Variants in ZMYND11 observed in about 807,000 individuals in gnomAD.
ZMYND11 encodes zinc finger MYND domain-containing protein 11.
In ZMYND11, 9 loss-of-function variants were observed where a neutral mutation model predicts 84.9. The ratio of observed to expected loss-of-function variants is 0.11; its 90% CI spans 0.06 to 0.18. ZMYND11 has a LOEUF of 0.18. ZMYND11 is among the 10% of genes least tolerant of loss of function. The pLI is 1.00. For missense variants in ZMYND11, 409 were observed against 761.0 expected (o/e 0.54, Z 5.44); for synonymous variants, 250 against 244.1 (o/e 1.02, Z -0.23).
chr10:165,229 A>C (rs1843718831), intron 1 of ZMYND11, among the ~76,000 whole-genome samples: 1 of 152,080 alleles, frequency 6.6e-6, no homozygotes, highest in Admixed American at 6.6e-5. Flanking sequence ...GGATATTTTC[A>C]GTTCTTTCTG....
At chr10:223,695 A>T (rs1947564349) in intron 4 of ZMYND11, among the ~76,000 whole-genome samples, 1 of 152,196 alleles carries the variant, frequency 6.6e-6, no homozygotes, top group South Asian at 2.1e-4. Flanking sequence ...TTCAAGAAAA[A>T]GATAAGTACT....
chr10:197,232 A>G (rs1942031012), intron 2 of ZMYND11, among the ~76,000 whole-genome samples: 1 of 150,824 alleles, frequency 6.6e-6, no homozygotes, highest in Non-Finnish European at 1.5e-5. Context: ...ATGTATGTGT[A>G]TCAATACATA....
chr10:197,087 C>T (rs899623339), intron 2 of ZMYND11, among the ~76,000 whole-genome samples: 7 of 147,702 alleles, frequency 4.7e-5, no homozygotes, highest in Non-Finnish European at 7.4e-5. Context: ...TCAATACATA[C>T]GCATGGAAGG....
intron 2 of ZMYND11, among the ~76,000 whole-genome samples, chr10:182,043 C>T (rs1401681455): frequency 6.6e-6 from 1 of 152,094 alleles, no homozygotes; most frequent in Non-Finnish European, 1.5e-5. Flanking sequence ...AAATTAAAAT[C>T]ATGTAAACAT....
At chr10:230,996 C>T (rs941274642) in intron 4 of ZMYND11, among the ~76,000 whole-genome samples, 4 of 152,118 alleles carry the variant, frequency 2.6e-5, no homozygotes, top group African/African-American at 9.7e-5. Flanking sequence ...ATGACTTTTA[C>T]GTTTTCAGAT....
intron 1 of ZMYND11, among the ~76,000 whole-genome samples, chr10:176,267 C>T: frequency 6.6e-6 from 1 of 151,872 alleles, no homozygotes; most frequent in East Asian, 1.9e-4. Flanking sequence ...GAAGTTTTTG[C>T]TACTTTTTAT....
chr10:238,567 A>G (rs928770965), intron 6 of ZMYND11, among the ~76,000 whole-genome samples: 9 of 152,114 alleles, frequency 5.9e-5, no homozygotes, highest in Non-Finnish European at 1.2e-4. Flanking sequence ...CGTTTTAGCC[A>G]GGATGGTCTC....
chr10:230,907 G>T (rs980034721), intron 4 of ZMYND11, among the ~76,000 whole-genome samples: 1 of 152,134 alleles, frequency 6.6e-6, no homozygotes, highest in African/African-American at 2.4e-5. Context: ...CGCTGAAATT[G>T]ACATTATGGA....
intron 1 of ZMYND11, among the ~76,000 whole-genome samples, chr10:150,260 T>A (rs1839999665): frequency 6.6e-6 from 1 of 152,210 alleles, no homozygotes; most frequent in African/African-American, 2.4e-5. Context: ...TTTTGGTTGG[T>A]AAGCTATTAA....
At chr10:216,390 TAATC>T (rs1292132915) in intron 3 of ZMYND11, among the ~76,000 whole-genome samples, 4 of 152,346 alleles carry the variant, frequency 2.6e-5, no homozygotes, top group Admixed American at 1.3e-4. Context: ...TGTCATAAGT[TAATC>T]AATCGTATGT....
intron 2 of ZMYND11, among the ~76,000 whole-genome samples, chr10:191,862 A>G (rs1940520146): frequency 6.6e-6 from 1 of 152,050 alleles, no homozygotes. Context: ...ACCGTAAGTT[A>G]TTATCTGTAG....
chr10:222,126 G>A (rs1450645211), intron 4 of ZMYND11, among the ~76,000 whole-genome samples: 1 of 152,128 alleles, frequency 6.6e-6, no homozygotes, highest in Non-Finnish European at 1.5e-5. Context: ...TTGGAACCAT[G>A]CACATTGTTG....
At chr10:225,536 C>T (rs1248112399) in intron 4 of ZMYND11, among the ~76,000 whole-genome samples, 1 of 152,094 alleles carries the variant, frequency 6.6e-6, no homozygotes, top group Non-Finnish European at 1.5e-5. Flanking sequence ...TTTCTGGAGA[C>T]AGGGTCTCGC....
chr10:240,853 A>G lies in ZMYND11; in HGVS notation c.754-40A>G, dbSNP rs79010039. On this transcript the variant is annotated intron_variant, in intron 8 of 14. Transcript: ENST00000381604. ...ATTTTATATAGTTTAATGTGTATGT[A>G]TATTTTATGTAGGCTAAAGTAGTTT... The G allele has an allele frequency of 4.8e-3, 6,782 of 1,421,748 alleles. 257 individuals carry two copies. In the African/African-American group the frequency reaches 0.082, roughly 17 times the overall value. 88.1% of individuals were successfully genotyped at this position (1,421,748 alleles called of 1,614,324 possible). A position where few individuals can be genotyped will look rare whatever the true frequency, so the allele number is the denominator to read the frequency against.
chr10:190,128 A>G (rs1430656187), intron 2 of ZMYND11, among the ~76,000 whole-genome samples: 1 of 151,882 alleles, frequency 6.6e-6, no homozygotes, highest in African/African-American at 2.4e-5. Context: ...AAACACAGTC[A>G]TTTTTTTCCA....
At chr10:220,403 C>T (rs1946945387) in intron 3 of ZMYND11, among the ~76,000 whole-genome samples, 1 of 151,992 alleles carries the variant, frequency 6.6e-6, no homozygotes, top group Non-Finnish European at 1.5e-5. Flanking sequence ...AAGAGAACTT[C>T]TAACACTTGC....
At chr10:218,595 T>C in intron 3 of ZMYND11, 1 of 231,180 alleles carries the variant, frequency 4.3e-6, no homozygotes, top group South Asian at 5.1e-5. Flanking sequence ...AGTTAACTCT[T>C]GCTAGATTTG....
At chr10:169,892 A>G (rs1332260103) in intron 1 of ZMYND11, among the ~76,000 whole-genome samples, 6 of 152,150 alleles carry the variant, frequency 3.9e-5, no homozygotes, top group African/African-American at 1.4e-4. Flanking sequence ...TGAGTCAAAA[A>G]TGCTTGACAA....
At chr10:222,758 G>T (rs1947349526) in intron 4 of ZMYND11, among the ~76,000 whole-genome samples, 3 of 151,484 alleles carry the variant, frequency 2.0e-5, no homozygotes, top group Admixed American at 6.6e-5. Context: ...TAATATGGAT[G>T]CAGGAATTAG....
Sources: gnomAD v4.1 joint callset for allele counts (sites outside exome capture counted in the v4.1 genomes callset) on GRCh38, gnomAD v4.1.1 for gene constraint, MANE v1.5 for transcripts, NCBI Gene and HGNC (gene_info 2026-07-23, HGNC 2026-07-21) for gene names.